DMD: variants seen among roughly 807,000 people sequenced by gnomAD.
DMD encodes the protein dystrophin.
Under a neutral mutation model 330.1 loss-of-function variants are expected in DMD, and 63 were observed. That is an observed-to-expected ratio of 0.19 (90% CI 0.16 to 0.24). The LOEUF is 0.24. Ranked by LOEUF, DMD falls within the 10% of genes least tolerant of loss-of-function variation. DMD has a pLI of 1.00. For missense variants in DMD, 3,344 were observed against 2,684.1 expected (o/e 1.25, Z -5.43); for synonymous variants, 1,223 against 959.8 (o/e 1.27, Z -5.07).
intron 29 of DMD, among the ~76,000 whole-genome samples, chrX:32,431,831 G>A (rs73619083): frequency 0.14 from 15,833 of 110,209 alleles, 961 homozygotes; most frequent in African/African-American, 0.2. Context: ...CGTTGTATAG[G>A]CTGACTGTGC....
intron 49 of DMD, among the ~76,000 whole-genome samples, chrX:31,830,338 T>C (rs1485730128): frequency 1.8e-5 from 2 of 112,951 alleles, no homozygotes; most frequent in Admixed American, 9.3e-5. Context: ...CTCACGCCTG[T>C]AATCCCAGGA....
rs1210216897 is a variant in DMD at position 31,516,296 on chromosome X, A to C, written c.8218-8843T>G. ...ACAAGCGCAAAAAAAAAAAAAAAAA[A>C]ACCCGAAGTGGATCTTTCCTAACAA... On this transcript the variant is annotated intron_variant, in intron 55 of 78. Coordinates refer to ENST00000357033, the MANE Select transcript of DMD (RefSeq NM_004006.3). Among the ~76,000 whole-genome samples, 11 of 109,362 alleles carry C rather than the reference A, an allele frequency of 1.0e-4. No individual in the cohort carries two copies. The East Asian group carries it at 2.6e-3, about 26-fold the overall frequency. The allele number at this position is 109,362 out of a possible 115,157, so 95.0% of individuals were successfully genotyped here.
intron 27 of DMD, among the ~76,000 whole-genome samples, chrX:32,446,693 G>A (rs1329290344): frequency 3.6e-5 from 4 of 110,299 alleles, no homozygotes; most frequent in Non-Finnish European, 5.7e-5. Flanking sequence ...TAATTTGGGG[G>A]AAATAAGGTG....
chrX:32,809,943 A>AAAAGAAAGAAAG (rs553322206), intron 6 of DMD, among the ~76,000 whole-genome samples: 9 of 83,986 alleles, frequency 1.1e-4, no homozygotes, highest in East Asian at 5.3e-4. Context: ...AAAAAAAAAA[A>AAAAGAAAGAAAG]AAAGAAAGAA....
intron 40 of DMD, 30 bp from the exon 41 acceptor site, chrX:32,342,312 G>A: frequency 8.3e-7 from 1 of 1,202,634 alleles, no homozygotes; most frequent in Non-Finnish European, 1.1e-6. Flanking sequence ...CAGGGCCCAG[G>A]GCAGTTAGCT....
intron 51 of DMD, among the ~76,000 whole-genome samples, chrX:31,758,521 G>A (rs1285401336): frequency 9.0e-6 from 1 of 111,095 alleles, no homozygotes; most frequent in Non-Finnish European, 1.9e-5. Context: ...AACAATTACA[G>A]TGAAACATGT....
At chrX:32,766,265 T>C (rs904189338) in intron 7 of DMD, among the ~76,000 whole-genome samples, 30 of 111,617 alleles carry the variant, frequency 2.7e-4, no homozygotes, top group South Asian at 1.5e-3. Flanking sequence ...TGGCACTGAA[T>C]GTGTAGTTTG....
intron 6 of DMD, among the ~76,000 whole-genome samples, chrX:32,810,731 G>C (rs1351645466): frequency 9.0e-6 from 1 of 111,439 alleles, no homozygotes; most frequent in Admixed American, 9.6e-5. Context: ...GTGCATAGCA[G>C]AGTTGCCAGA....
chrX:33,327,087 G>T (rs1481046266), intron 1 of DMD, among the ~76,000 whole-genome samples: 1 of 112,114 alleles, frequency 8.9e-6, no homozygotes, highest in East Asian at 2.8e-4. Context: ...TTGTTTTATT[G>T]ACATTCCTAT....
intron 41 of DMD, among the ~76,000 whole-genome samples, chrX:32,322,953 G>A (rs925208648): frequency 8.0e-5 from 9 of 112,158 alleles, no homozygotes; most frequent in African/African-American, 1.6e-4. Context: ...ATGTTTTTAC[G>A]AGGACATTTC....
rs754162660 is a variant in DMD at position 32,013,093 on chromosome X, C to CTTT, written c.6439-44582_6439-44580dup. ...GGAAATTAATCTTTTCTTTTCTTTC[C>CTTT]TTTTTTTTTTTTTGAGATGGAATCT... On this transcript the variant is annotated intron_variant, in intron 44 of 78. Coordinates refer to ENST00000357033, the MANE Select transcript of DMD (RefSeq NM_004006.3). Among the ~76,000 whole-genome samples, 66 of 61,158 alleles carry CTTT rather than the reference C, an allele frequency of 1.1e-3. 4 individuals are homozygous for CTTT. The highest frequency in any genetic ancestry group is 3.4e-3 in the Admixed American group (14 of 4,178). 53.1% of individuals were successfully genotyped at this position (61,158 alleles called of 115,157 possible). A position where few individuals can be genotyped will look rare whatever the true frequency, so the allele number is the denominator to read the frequency against.
At chrX:32,729,442 G>A (rs1418611495) in intron 7 of DMD, among the ~76,000 whole-genome samples, 1 of 111,585 alleles carries the variant, frequency 9.0e-6, no homozygotes, top group Non-Finnish European at 1.9e-5. Context: ...TGAATATTTT[G>A]GCTGATTTTT....
At chrX:32,081,322 G>T (rs2096389988) in intron 44 of DMD, among the ~76,000 whole-genome samples, 1 of 111,879 alleles carries the variant, frequency 8.9e-6, no homozygotes, top group African/African-American at 3.3e-5. Flanking sequence ...ATCATACTGT[G>T]GGACAAGTGA....
In DMD at chrX:31,873,705, C is replaced by T. The variant is rs1055498699; in HGVS notation, c.7098+1483G>A. On this transcript the variant is annotated intron_variant, in intron 48 of 78. Transcript: ENST00000357033. ...TTTTGGCAAATAAGGAGACGCAAAA[C>T]GGGGCAGCATATTGAAAGAATCTTT... 2.7e-5 allele frequency among the ~76,000 whole-genome samples: 3 copies of T among 111,464 alleles called. No individual in the cohort carries two copies. In the Admixed American group the frequency reaches 2.9e-4, roughly 11 times the overall value.
chrX:32,030,221 C>T (rs1718070299), intron 44 of DMD, among the ~76,000 whole-genome samples: 1 of 112,390 alleles, frequency 8.9e-6, no homozygotes, highest in African/African-American at 3.2e-5. Context: ...TTTCTCCCAA[C>T]AAGCTGTTAT....
intron 26 of DMD, among the ~76,000 whole-genome samples, chrX:32,454,310 G>C (rs776164247): frequency 9.0e-6 from 1 of 111,048 alleles, no homozygotes; most frequent in African/African-American, 3.2e-5. Flanking sequence ...TTATAAATTT[G>C]TCTTTTCAAG....
chrX:32,386,809 G>A (rs1350777975), intron 32 of DMD, among the ~76,000 whole-genome samples: 3 of 109,471 alleles, frequency 2.7e-5, no homozygotes, highest in Non-Finnish European at 5.7e-5. Context: ...TTAAATGTTG[G>A]AGTTATATAA....
At chrX:32,568,089 G>A (rs2051952873) in intron 15 of DMD, among the ~76,000 whole-genome samples, 1 of 111,723 alleles carries the variant, frequency 9.0e-6, no homozygotes, top group Admixed American at 9.5e-5. Context: ...TTAAAGAAGA[G>A]GATTGCAATA....
chrX:31,669,091 A>C (rs778758258), intron 53 of DMD, among the ~76,000 whole-genome samples: 52 of 112,063 alleles, frequency 4.6e-4, no homozygotes, highest in Non-Finnish European at 5.7e-5. Context: ...TATCTCTTTG[A>C]CATACTGGTT....
Sources: allele counts gnomAD v4.1 joint callset (sites outside exome capture counted in the v4.1 genomes callset), GRCh38; gene constraint gnomAD v4.1.1; transcripts MANE v1.5; gene names NCBI Gene and HGNC (gene_info 2026-07-23, HGNC 2026-07-21).